Variants in CCDC69 observed in about 807,000 individuals in gnomAD.
CCDC69 encodes the protein coiled-coil domain-containing protein 69.
CCDC69 carries 38 observed loss-of-function variants against 40.3 expected under a neutral mutation model. The observed-to-expected ratio is 0.94, with a 90% CI of 0.73 to 1.24. The LOEUF (loss-of-function observed/expected upper bound fraction) is 1.24, where lower values mean the gene tolerates loss of function less well. CCDC69 is among the 50% of genes most tolerant of loss of function. The pLI is 0.00. For synonymous variants in CCDC69, 141 were observed against 138.9 expected, an observed-to-expected ratio of 1.02 and a Z score of -0.11; for missense variants, 389 against 357.9, an observed-to-expected ratio of 1.09 and a Z score of -0.70.
intron 1 of CCDC69, among the ~76,000 whole-genome samples, chr5:151,213,243 T>C (rs2114001831): frequency 6.6e-6 from 1 of 152,030 alleles, no homozygotes; most frequent in East Asian, 1.9e-4. Flanking sequence ...TCCCTCAAAT[T>C]ATTTTTTATT....
In CCDC69 at chr5:151,181,351, G is replaced by C. The variant is rs1013010066; in HGVS notation, c.*2086C>G. 6.6e-6 allele frequency: 1 copy of C among 152,086 alleles called. No homozygotes were observed. The highest frequency in any genetic ancestry group is 2.4e-5 in the African/African-American group (1 of 41,364). The allele number at this position is 152,086 out of a possible 1,614,324, so 9.4% of individuals were successfully genotyped here. A position where few individuals can be genotyped will look rare whatever the true frequency, so the allele number is the denominator to read the frequency against. ...CCAGCCTCAGCCTCCCAAGCTGCTG[G>C]GACTACAGGCGCCCACCACCACGCC... On this transcript the variant is annotated 3_prime_UTR_variant, in exon 9 of 9. Coordinates refer to ENST00000355417, the MANE Select transcript of CCDC69 (RefSeq NM_015621.3).
intron 4 of CCDC69, among the ~76,000 whole-genome samples, chr5:151,194,171 C>T (rs248443): frequency 0.61 from 92,830 of 152,076 alleles, 29,014 homozygotes; most frequent in Admixed American, 0.74. Flanking sequence ...GCTAAACATA[C>T]ATTTATCATA....
At position 151,223,992 on chromosome 5, in the gene CCDC69, C is replaced by T; in HGVS notation, c.-22G>A. ...CCATCCTCCTCCGGGGGCTCCCGGA[C>T]GCCGCTTCCCAACTCCGGGGCCCCC... On this transcript the variant is annotated 5_prime_UTR_variant, in exon 1 of 9. Coordinates refer to ENST00000355417, the MANE Select transcript of CCDC69 (RefSeq NM_015621.3). The T allele has an allele frequency of 6.5e-7, 1 of 1,546,590 alleles. No homozygotes were observed.
Position 151,186,040 on chromosome 5 carries a change from A to C in CCDC69, c.478T>G (p.Tyr160Asp), listed in dbSNP as rs367632765. The C allele has an allele frequency of 5.0e-6, 8 of 1,613,530 alleles. No homozygotes were observed. The highest frequency in any genetic ancestry group is 5.9e-6 in the Non-Finnish European group (7 of 1,179,700). The change falls in exon 6 of 9, where the codon TAT (tyrosine) becomes GAT (aspartate). Residue 160 changes from tyrosine to aspartate, a missense_variant. Physicochemically the swap from Tyr to Asp is radical, Grantham distance 160. Coordinates refer to ENST00000355417, the MANE Select transcript of CCDC69 (RefSeq NM_015621.3). ...CCACCTACCTGGATATGTTTCTTAT[A>C]GTTTCGGCTCAGAATGGACTCCTCC... ...RVEESILSRNYKKHIQDYGSP... is the reference protein window; with the variant it reads ...RVEESILSRNDKKHIQDYGSP...
chr5:151,191,301 T>C (rs980744816), intron 4 of CCDC69, among the ~76,000 whole-genome samples: 1 of 152,174 alleles, frequency 6.6e-6, no homozygotes, highest in Non-Finnish European at 1.5e-5. Flanking sequence ...TCAACACTCC[T>C]CAGCATTCCA....
intron 1 of CCDC69, among the ~76,000 whole-genome samples, chr5:151,213,534 G>A (rs919291099): frequency 1.3e-5 from 2 of 152,084 alleles, no homozygotes; most frequent in African/African-American, 4.8e-5. Flanking sequence ...TTATAGGCGT[G>A]AGCCACCATG....
intron 1 of CCDC69, among the ~76,000 whole-genome samples, chr5:151,215,081 G>GCTGTGCCAAGCATTTGGGT (rs1358168452): frequency 6.6e-6 from 1 of 152,220 alleles, no homozygotes; most frequent in Non-Finnish European, 1.5e-5. Flanking sequence ...GGTCAGCCTG[G>GCTGTGCCAAGCATTTGGGT]CAGGCAGGAC....
intron 4 of CCDC69, 134 bp downstream of exon 4, chr5:151,198,858 ATCCTG>A: frequency 1.4e-6 from 1 of 710,082 alleles, no homozygotes; most frequent in Admixed American, 2.0e-5. Context: ...AGGGCCAAGG[ATCCTG>A]TAGATTTGAG....
intron 3 of CCDC69, among the ~76,000 whole-genome samples, chr5:151,200,486 C>T (rs144143872): frequency 1.3e-5 from 2 of 152,330 alleles, no homozygotes; most frequent in East Asian, 1.9e-4. Context: ...TTACCCTGAA[C>T]ATATTTCATA....
chr5:151,182,660 C>T lies in CCDC69; in HGVS notation c.*777G>A, dbSNP rs774184706. The T allele has an allele frequency of 3.6e-5, 9 of 246,948 alleles. No homozygotes were observed. The highest frequency in any genetic ancestry group is 5.7e-5 in the Non-Finnish European group (7 of 123,668). 15.3% of individuals were successfully genotyped at this position (246,948 alleles called of 1,614,324 possible). A position where few individuals can be genotyped will look rare whatever the true frequency, so the allele number is the denominator to read the frequency against. On this transcript the variant is annotated 3_prime_UTR_variant, in exon 9 of 9. Transcript: ENST00000355417. Reference sequence around the variant, plus strand: ...AATGGACTCACAACCACCAAGCTTGCCCCTGTGCCCAGGTGGCACCAAGAC... The same window carrying T: ...AATGGACTCACAACCACCAAGCTTGTCCCTGTGCCCAGGTGGCACCAAGAC...
At chr5:151,203,854 G>C (rs1347183243) in intron 2 of CCDC69, among the ~76,000 whole-genome samples, 1 of 122,698 alleles carries the variant, frequency 8.2e-6, no homozygotes, top group Non-Finnish European at 1.6e-5. Flanking sequence ...ATCATATATA[G>C]TATATATATA....
chr5:151,194,101 C>T (rs925424838), intron 4 of CCDC69, among the ~76,000 whole-genome samples: 9 of 152,210 alleles, frequency 5.9e-5, no homozygotes, highest in African/African-American at 2.2e-4. Context: ...ACTCATACAT[C>T]ACAGATGGTG....
At position 151,224,023 on chromosome 5, in the gene CCDC69, A is replaced by G; in HGVS notation, c.-53T>C. On this transcript the variant is annotated 5_prime_UTR_variant, in exon 1 of 9. Coordinates refer to ENST00000355417, the MANE Select transcript of CCDC69 (RefSeq NM_015621.3). ...TTCCCAACTCCGGGGCCCCCAGAGG[A>G]GCCTGCGATCCGGGCCCCGCTGCCC... The G allele has an allele frequency of 6.8e-7, 1 of 1,480,464 alleles. No homozygotes were observed. Among genetic ancestry groups the G allele is most frequent in the Non-Finnish European group, 9.0e-7 (1 of 1,109,204 alleles). 91.7% of individuals were successfully genotyped at this position (1,480,464 alleles called of 1,614,324 possible). A position where few individuals can be genotyped will look rare whatever the true frequency, so the allele number is the denominator to read the frequency against.
At chr5:151,199,751 C>A (rs1752751781) in intron 3 of CCDC69, among the ~76,000 whole-genome samples, 1 of 152,144 alleles carries the variant, frequency 6.6e-6, no homozygotes, top group African/African-American at 2.4e-5. Context: ...ATACCTGGGG[C>A]CCTTACAAGT....
At chr5:151,189,760 A>T (rs1245115863) in intron 4 of CCDC69, among the ~76,000 whole-genome samples, 2 of 152,222 alleles carry the variant, frequency 1.3e-5, no homozygotes, top group Admixed American at 1.3e-4. Context: ...CACTACATAT[A>T]GGGAACAACA....
At chr5:151,198,682 G>C (rs1418130618) in intron 4 of CCDC69, among the ~76,000 whole-genome samples, 1 of 152,158 alleles carries the variant, frequency 6.6e-6, no homozygotes, top group Non-Finnish European at 1.5e-5. Context: ...GATGGAATAT[G>C]TGTATTTAAA....
At chr5:151,204,916 G>C (rs1033402364) in intron 2 of CCDC69, among the ~76,000 whole-genome samples, 1 of 151,940 alleles carries the variant, frequency 6.6e-6, no homozygotes, top group East Asian at 1.9e-4. Context: ...CATTACCTGG[G>C]TATATTGGGT....
chr5:151,213,410 C>CT (rs1752981419), intron 1 of CCDC69, among the ~76,000 whole-genome samples: 1 of 110,456 alleles, frequency 9.1e-6, no homozygotes, highest in Non-Finnish European at 1.8e-5. Context: ...CCATGTCCGG[C>CT]TATTTTTTTT....
chr5:151,193,342 CAAAAAAAAAAAAA>C (rs35463341), intron 4 of CCDC69, among the ~76,000 whole-genome samples: 1 of 77,564 alleles, frequency 1.3e-5, no homozygotes, highest in Non-Finnish European at 2.6e-5. Context: ...CTCATTTCTA[CAAAAAAAAAAAAA>C]AAAAAAAAAA....
Sources: gnomAD v4.1 joint callset for allele counts (sites outside exome capture counted in the v4.1 genomes callset) on GRCh38, gnomAD v4.1.1 for gene constraint, MANE v1.5 for transcripts, NCBI Gene and HGNC (gene_info 2026-07-23, HGNC 2026-07-21) for gene names.